DPP10: variants seen among roughly 807,000 people sequenced by gnomAD.
DPP10 encodes the protein dipeptidyl peptidase like 10, also known as inactive dipeptidyl peptidase 10.
Under a neutral mutation model 120.9 loss-of-function variants are expected in DPP10, and 33 were observed. The observed-to-expected ratio is 0.27, with a 90% confidence interval of 0.21 to 0.37. The LOEUF (loss-of-function observed/expected upper bound fraction) is 0.37, where lower values mean the gene tolerates loss of function less well. Among genes scored for constraint, DPP10 ranks in the 10% least tolerant of loss-of-function variants. The probability of loss-of-function intolerance (pLI) is 1.00; values close to 1 mark genes in which losing one functional copy is unlikely to be tolerated. For missense variants in DPP10, 816 were observed against 942.8 expected (o/e 0.87, Z 1.76); for synonymous variants, 337 against 326.1 (o/e 1.03, Z -0.36).
intron 19 of DPP10, among the ~76,000 whole-genome samples, chr2:115,809,901 C>T (rs1237988003): frequency 2.0e-5 from 3 of 152,168 alleles, no homozygotes; most frequent in Admixed American, 6.5e-5. Flanking sequence ...CGGTGGCTCA[C>T]GCCTGTAATC....
At chr2:114,953,496 G>C (rs1331015386) in intron 1 of DPP10, among the ~76,000 whole-genome samples, 3 of 152,054 alleles carry the variant, frequency 2.0e-5, no homozygotes, top group African/African-American at 7.2e-5. Context: ...GTGTGCGTGT[G>C]TGTGTGTACA....
chr2:114,823,629 G>A (rs1010305841), intron 1 of DPP10, among the ~76,000 whole-genome samples: 2 of 152,154 alleles, frequency 1.3e-5, no homozygotes, highest in African/African-American at 4.8e-5. Flanking sequence ...AGATGGTGAA[G>A]CACCCAGAGA....
At chr2:115,818,179 A>C (rs1687457597) in intron 21 of DPP10, among the ~76,000 whole-genome samples, 1 of 152,166 alleles carries the variant, frequency 6.6e-6, no homozygotes, top group Non-Finnish European at 1.5e-5. Flanking sequence ...GTTTCTTATT[A>C]GGGTTCTTGG....
intron 1 of DPP10, among the ~76,000 whole-genome samples, chr2:114,663,716 C>T (rs1233675354): frequency 3.6e-5 from 5 of 138,270 alleles, no homozygotes; most frequent in Admixed American, 7.0e-5. Context: ...GACTTGGGCT[C>T]TCTAGAGCCA....
At chr2:115,249,154 G>C (rs1335856001) in intron 1 of DPP10, among the ~76,000 whole-genome samples, 1 of 152,026 alleles carries the variant, frequency 6.6e-6, no homozygotes, top group Admixed American at 6.6e-5. Flanking sequence ...ACAATAAATT[G>C]CACTGTGGCG....
At chr2:115,388,061 A>G (rs1337971234) in intron 3 of DPP10, among the ~76,000 whole-genome samples, 1 of 152,236 alleles carries the variant, frequency 6.6e-6, no homozygotes, top group Non-Finnish European at 1.5e-5. Context: ...TAAAAAATAT[A>G]TATGACGTAA....
intron 1 of DPP10, among the ~76,000 whole-genome samples, chr2:115,214,321 T>C (rs185856779): frequency 2.0e-3 from 310 of 152,334 alleles, no homozygotes; most frequent in Non-Finnish European, 2.7e-3. Flanking sequence ...TCTGCTGCAA[T>C]TGCAGGAGTC....
intron 1 of DPP10, among the ~76,000 whole-genome samples, chr2:114,909,220 C>T (rs1250151152): frequency 6.6e-6 from 1 of 151,904 alleles, no homozygotes; most frequent in Non-Finnish European, 1.5e-5. Flanking sequence ...CTCTGATCTT[C>T]AGTTTTCTAA....
intron 1 of DPP10, among the ~76,000 whole-genome samples, chr2:114,774,597 C>T (rs762660104): frequency 6.8e-6 from 1 of 147,980 alleles, no homozygotes; most frequent in Non-Finnish European, 1.5e-5. Flanking sequence ...AAGTTGTGAG[C>T]GTATCACTGT....
intron 19 of DPP10, among the ~76,000 whole-genome samples, chr2:115,802,125 T>C (rs570146124): frequency 6.6e-6 from 1 of 152,336 alleles, no homozygotes; most frequent in Admixed American, 6.5e-5. Flanking sequence ...GTTATTGGTC[T>C]ATTCAGAGAT....
At chr2:115,068,276 T>A (rs1707088526) in intron 1 of DPP10, among the ~76,000 whole-genome samples, 1 of 152,008 alleles carries the variant, frequency 6.6e-6, no homozygotes, top group Non-Finnish European at 1.5e-5. Context: ...TTCTAACAGG[T>A]GTGAGGTTAT....
intron 5 of DPP10, among the ~76,000 whole-genome samples, chr2:115,657,016 A>G (rs1006962564): frequency 2.0e-5 from 3 of 151,696 alleles, no homozygotes; most frequent in African/African-American, 7.2e-5. Flanking sequence ...TATTAATAAG[A>G]CAGTATTGTG....
rs147486856 is a variant in DPP10, at chr2:115,613,051, G to C, written c.442-76636G>C. Among the ~76,000 whole-genome samples the C allele has an allele frequency of 6.5e-3, 994 of 152,192 alleles. 6 individuals are homozygous for C. Among genetic ancestry groups the C allele is most frequent in the Middle Eastern group, 0.014 (4 of 294 alleles). ...TACATGACCTTCATGCTTTACTGCT[G>C]AGAGAATACATATTTAGACAAAAGC... On this transcript the variant is annotated intron_variant, in intron 5 of 25. Transcript: ENST00000410059.
At chr2:114,664,827 G>T (rs1173684142) in intron 1 of DPP10, among the ~76,000 whole-genome samples, 1 of 150,856 alleles carries the variant, frequency 6.6e-6, no homozygotes, top group Non-Finnish European at 1.5e-5. Flanking sequence ...GCATCCAAAA[G>T]ATGGCAGAGA....
At chr2:114,647,594 T>C (rs1696236976) in intron 1 of DPP10, among the ~76,000 whole-genome samples, 1 of 152,038 alleles carries the variant, frequency 6.6e-6, no homozygotes, top group African/African-American at 2.4e-5. Context: ...ACATTTGGGA[T>C]GCAAAACCAC....
intron 3 of DPP10, among the ~76,000 whole-genome samples, chr2:115,462,660 A>G (rs546160384): frequency 2.0e-5 from 3 of 152,222 alleles, no homozygotes; most frequent in Non-Finnish European, 4.4e-5. Flanking sequence ...TAAAAGTATT[A>G]TAAAGAATAT....
chr2:115,734,719 C>CAT (rs1348688251), intron 8 of DPP10, among the ~76,000 whole-genome samples: 2 of 147,212 alleles, frequency 1.4e-5, no homozygotes, highest in Non-Finnish European at 3.0e-5. Flanking sequence ...CCTTAGCATG[C>CAT]ATATATATAC....
chr2:115,570,145 C>T (rs112206789), intron 5 of DPP10, among the ~76,000 whole-genome samples: 30 of 152,226 alleles, frequency 2.0e-4, no homozygotes, highest in Non-Finnish European at 2.9e-4. Context: ...TCAACACAAC[C>T]GGGAAACTCT....
intron 1 of DPP10, among the ~76,000 whole-genome samples, chr2:114,810,920 CAG>C (rs1233114895): frequency 2.0e-5 from 3 of 152,170 alleles, no homozygotes; most frequent in African/African-American, 7.2e-5. Flanking sequence ...TTGGATAACA[CAG>C]AGGCACAACA....
Sources: allele counts gnomAD v4.1 joint callset (sites outside exome capture counted in the v4.1 genomes callset), GRCh38; gene constraint gnomAD v4.1.1; transcripts MANE v1.5; gene names NCBI Gene and HGNC (gene_info 2026-07-23, HGNC 2026-07-21).